Variants in LAMA2 observed in about 807,000 individuals in gnomAD.
The protein encoded by LAMA2 is laminin subunit alpha-2.
Under a neutral mutation model 364.8 loss-of-function variants are expected in LAMA2, and 269 were observed. The ratio of observed to expected loss-of-function variants is 0.74; its 90% CI spans 0.67 to 0.82. The LOEUF is 0.82. LAMA2 is among the 40% of genes least tolerant of loss of function. The probability of loss-of-function intolerance (pLI) is 0.00; values close to 1 mark genes in which losing one functional copy is unlikely to be tolerated. For missense variants in LAMA2, 3,807 were observed against 3,873.2 expected (o/e 0.98, Z 0.45); for synonymous variants, 1,379 against 1,370.6 (o/e 1.01, Z -0.14).
chr6:129,443,044 C>A lies in LAMA2; in HGVS notation c.6269-19C>A. ...TTATAATTTTTTTTTGTTTTGCTTC[C>A]ATGTGAAATTGCCTGCAGAAATCAG... On this transcript the variant is annotated intron_variant, in intron 43 of 64. Transcript: ENST00000421865. 1 of 1,577,770 alleles carries A rather than the reference C, an allele frequency of 6.3e-7. No homozygotes were observed. The highest frequency in any genetic ancestry group is 8.7e-7 in the Non-Finnish European group (1 of 1,152,534).
rs73774628 is a variant in LAMA2, at chr6:129,256,965, G to C, written c.2097-3746G>C. Among the ~76,000 whole-genome samples the C allele has an allele frequency of 2.6e-5, 4 of 151,290 alleles. No individual in the cohort carries two copies. The East Asian group carries it at 7.8e-4, about 29-fold the overall frequency. Reference sequence around the variant, plus strand: ...ATCTTTAAGGCAGCACCAAGACAACGTTTCTGAAATAGTTCCAATATTATT... The same window carrying C: ...ATCTTTAAGGCAGCACCAAGACAACCTTTCTGAAATAGTTCCAATATTATT... On this transcript the variant is annotated intron_variant, in intron 14 of 64. Transcript: ENST00000421865.
chr6:129,132,900 G>T (rs1032902908), intron 4 of LAMA2, among the ~76,000 whole-genome samples: 2 of 152,122 alleles, frequency 1.3e-5, no homozygotes, highest in Non-Finnish European at 2.9e-5. Flanking sequence ...TAAGTAAATT[G>T]TCTAAATTCA....
chr6:129,316,844 G>T (rs1186658214), intron 27 of LAMA2, among the ~76,000 whole-genome samples: 2 of 152,122 alleles, frequency 1.3e-5, no homozygotes, highest in African/African-American at 2.4e-5. Flanking sequence ...CAGTGTCCTG[G>T]GGCAGAATTA....
At chr6:129,006,107 C>T (rs1784430969) in intron 1 of LAMA2, among the ~76,000 whole-genome samples, 1 of 151,916 alleles carries the variant, frequency 6.6e-6, no homozygotes, top group South Asian at 2.1e-4. Flanking sequence ...GGCAGTTTAT[C>T]ATAAAGATTC....
Position 128,977,352 on chromosome 6 carries a change from T to C in LAMA2, c.113-72566T>C, listed in dbSNP as rs183352242. ...ATGGCTCACTGCAGCCTCAACCTCC[T>C]GGGCTCAAGCAATCCTTCCACCTCC... On this transcript the variant is annotated intron_variant, in intron 1 of 64. Transcript: ENST00000421865. Among the ~76,000 whole-genome samples the C allele has an allele frequency of 1.6e-3, 237 of 150,628 alleles. 5 individuals carry two copies. The highest frequency in any genetic ancestry group is 0.015 in the Admixed American group (220 of 15,126).
At chr6:129,360,545 G>T (rs1394676796) in intron 32 of LAMA2, among the ~76,000 whole-genome samples, 1 of 152,156 alleles carries the variant, frequency 6.6e-6, no homozygotes, top group Admixed American at 6.6e-5. Flanking sequence ...GACCCATTCA[G>T]ACAGATGTTA....
intron 1 of LAMA2, among the ~76,000 whole-genome samples, chr6:128,912,722 A>C (rs1436767261): frequency 6.6e-6 from 1 of 152,238 alleles, no homozygotes. Flanking sequence ...AAGTGTATGT[A>C]TATCATTAGA....
At chr6:129,404,093 T>A in intron 40 of LAMA2, 134 bp downstream of exon 40, 1 of 953,938 alleles carries the variant, frequency 1.0e-6, no homozygotes, top group East Asian at 2.6e-5. Flanking sequence ...CTTTTAAAAT[T>A]TGCCTAAAAT....
chr6:129,454,312 G>C, intron 47 of LAMA2, 24 bp downstream of exon 47: 1 of 1,589,526 alleles, frequency 6.3e-7, no homozygotes, highest in East Asian at 2.2e-5. Flanking sequence ...TAAAGATTAA[G>C]ATAATTAAAT....
chr6:129,489,693 C>T (rs1372486855), intron 56 of LAMA2, among the ~76,000 whole-genome samples: 1 of 151,974 alleles, frequency 6.6e-6, no homozygotes, highest in Non-Finnish European at 1.5e-5. Flanking sequence ...AACACTGAAC[C>T]CTAAATATTT....
At chr6:129,018,468 A>G (rs186095238) in intron 1 of LAMA2, among the ~76,000 whole-genome samples, 350 of 152,100 alleles carry the variant, frequency 2.3e-3, no homozygotes, top group Non-Finnish European at 3.4e-3. Flanking sequence ...TATTAATATG[A>G]AATGAGGTTT....
chr6:129,032,184 T>C (rs150536312), intron 1 of LAMA2, among the ~76,000 whole-genome samples: 28 of 152,318 alleles, frequency 1.8e-4, no homozygotes, highest in African/African-American at 6.7e-4. Flanking sequence ...TCTGAGAATA[T>C]AGTAATGAAC....
chr6:129,380,624 A>AACAAGGACCC (rs1778628371), intron 34 of LAMA2, among the ~76,000 whole-genome samples: 1 of 152,160 alleles, frequency 6.6e-6, no homozygotes, highest in Admixed American at 6.5e-5. Flanking sequence ...GCTGATGGGT[A>AACAAGGACCC]ACAAGGACCC....
intron 53 of LAMA2, 80 bp from the exon 54 acceptor site, chr6:129,478,613 G>C (rs1463929625): frequency 6.8e-7 from 1 of 1,474,030 alleles, no homozygotes; most frequent in East Asian, 2.3e-5. Flanking sequence ...TGCTCCACAA[G>C]GCTTCCTTCC....
chr6:129,067,036 G>A (rs1789408512), intron 3 of LAMA2, among the ~76,000 whole-genome samples: 1 of 152,130 alleles, frequency 6.6e-6, no homozygotes, highest in Non-Finnish European at 1.5e-5. Context: ...AAACCCCAAA[G>A]CACAGGAAAC....
At chr6:129,215,263 T>C (rs1397430518) in intron 12 of LAMA2, among the ~76,000 whole-genome samples, 3 of 152,212 alleles carry the variant, frequency 2.0e-5, no homozygotes, top group Admixed American at 6.5e-5. Flanking sequence ...ATCCTTGTAA[T>C]GCTTACAGTC....
chr6:128,948,137 TA>T (rs1438819726), intron 1 of LAMA2, among the ~76,000 whole-genome samples: 2 of 152,038 alleles, frequency 1.3e-5, no homozygotes, highest in African/African-American at 4.8e-5. Context: ...GACAATGGGA[TA>T]GGGGTGGTCT....
intron 12 of LAMA2, among the ~76,000 whole-genome samples, chr6:129,247,989 C>T (rs1461625408): frequency 6.6e-6 from 1 of 152,148 alleles, no homozygotes. Flanking sequence ...GGATCCCCAA[C>T]TCCCGGGCTA....
chr6:129,325,552 A>G lies in LAMA2; in HGVS notation c.4177-2726A>G, dbSNP rs1562460929. Among the ~76,000 whole-genome samples the G allele has an allele frequency of 2.0e-5, 3 of 152,224 alleles. No homozygotes were observed. The East Asian group carries it at 5.8e-4, about 29-fold the overall frequency. On this transcript the variant is annotated intron_variant, in intron 28 of 64. Coordinates refer to ENST00000421865, the MANE Select transcript of LAMA2 (RefSeq NM_000426.4). Reference sequence around the variant, plus strand: ...ATTTCTGTTTTTTTTTTTAAAAAAAACAGCACGTTTTAAGTTTCTAATCTT... The same window carrying G: ...ATTTCTGTTTTTTTTTTTAAAAAAAGCAGCACGTTTTAAGTTTCTAATCTT...
Sources: gnomAD v4.1 joint callset for allele counts (sites outside exome capture counted in the v4.1 genomes callset) on GRCh38, gnomAD v4.1.1 for gene constraint, MANE v1.5 for transcripts, NCBI Gene and HGNC (gene_info 2026-07-23, HGNC 2026-07-21) for gene names.